Variants in OSBPL10 observed in about 807,000 individuals in gnomAD.
OSBPL10 encodes oxysterol binding protein like 10, also known as oxysterol-binding protein-related protein 10.
OSBPL10 carries 49 observed loss-of-function variants against 81.7 expected under a neutral mutation model. That is an observed-to-expected ratio of 0.60 (90% CI 0.48 to 0.76). OSBPL10 has a LOEUF of 0.76. Among genes scored for constraint, OSBPL10 ranks in the 30% least tolerant of loss-of-function variants. OSBPL10 has a pLI of 0.00. For synonymous variants in OSBPL10, 419 were observed against 383.6 expected, an observed-to-expected ratio of 1.09 and a Z score of -1.08; for missense variants, 923 against 987.8, an observed-to-expected ratio of 0.93 and a Z score of 0.88.
chr3:31,817,194 G>A (rs563486002), intron 4 of OSBPL10, among the ~76,000 whole-genome samples: 271 of 152,294 alleles, frequency 1.8e-3, no homozygotes, highest in Middle Eastern at 6.8e-3. Flanking sequence ...CTGGCAGCCC[G>A]GCCCTCAGCC....
At position 32,063,536 on chromosome 3, in the gene OSBPL10, G is replaced by A. The variant is rs542691391; in HGVS notation, n.185+13860C>T. ...AGATTCAGTGCAAATTTGGCCCTGG[G>A]CTATCAGGGAGATGTAGGCAAGTGA... On this transcript the variant is annotated intron_variant and non_coding_transcript_variant, in intron 1 of 3. Transcript: ENST00000479173. Among the ~76,000 whole-genome samples, 33 of 92,158 alleles carry A rather than the reference G, an allele frequency of 3.6e-4. 4 individuals are homozygous for A. Among genetic ancestry groups the A allele is most frequent in the African/African-American group, 8.4e-4 (30 of 35,904 alleles). 60.5% of individuals were successfully genotyped at this position (92,158 alleles called of 152,430 possible).
At chr3:31,800,584 C>T (rs984693968) in intron 4 of OSBPL10, among the ~76,000 whole-genome samples, 2 of 152,212 alleles carry the variant, frequency 1.3e-5, no homozygotes, top group African/African-American at 4.8e-5. Context: ...CACTCTCTCA[C>T]TGAAAGCAAA....
At chr3:31,917,820 C>A (rs751813049) in intron 1 of OSBPL10, among the ~76,000 whole-genome samples, 1 of 151,150 alleles carries the variant, frequency 6.6e-6, no homozygotes, top group African/African-American at 2.4e-5. Flanking sequence ...CTTTGCTCCT[C>A]GGTTTTGTTA....
intron 1 of OSBPL10, among the ~76,000 whole-genome samples, chr3:31,953,986 T>C (rs760781851): frequency 1.1e-4 from 17 of 152,216 alleles, no homozygotes; most frequent in Non-Finnish European, 2.2e-4. Context: ...CAAAGCTAAA[T>C]AGGAACTTGT....
At chr3:32,007,763 A>G (rs1396408788) in intron 2 of OSBPL10, among the ~76,000 whole-genome samples, 1 of 151,764 alleles carries the variant, frequency 6.6e-6, no homozygotes, top group Admixed American at 6.6e-5. Context: ...CTAGAGTGCA[A>G]TGGCACCATC....
At chr3:31,667,934 A>G (rs867619569) in intron 10 of OSBPL10, among the ~76,000 whole-genome samples, 8 of 152,392 alleles carry the variant, frequency 5.2e-5, no homozygotes, top group Middle Eastern at 6.8e-3. Context: ...TGGCTGCATT[A>G]TATTCATACC....
intron 11 of OSBPL10, chr3:31,663,854 T>C (rs1559403906): frequency 7.0e-7 from 1 of 1,425,408 alleles, no homozygotes; most frequent in Non-Finnish European, 9.1e-7. Context: ...GGAGGGGAAG[T>C]GTCAGTTGCT....
rs1201332951 is a variant in OSBPL10 at position 31,852,881 on chromosome 3, T to A, written c.538-22650A>T. On this transcript the variant is annotated intron_variant, in intron 3 of 11. Coordinates refer to ENST00000396556, the MANE Select transcript of OSBPL10 (RefSeq NM_017784.5). ...GGTGTGAGCCACCACGCCTGGCTAT[T>A]CCTGTTTTGTTTGTTTTAACACATG... is the stretch of plus-strand genomic sequence containing the variant. Among the ~76,000 whole-genome samples the A allele has an allele frequency of 2.6e-5, 4 of 152,126 alleles. No homozygotes were observed. The East Asian group carries it at 7.7e-4, about 29-fold the overall frequency.
At chr3:32,026,050 A>AGATAGATAGATAGAT (rs1553649779) in intron 2 of OSBPL10, among the ~76,000 whole-genome samples, 1 of 115,878 alleles carries the variant, frequency 8.6e-6, no homozygotes, top group Non-Finnish European at 1.7e-5. Flanking sequence ...ATAGATAGAT[A>AGATAGATAGATAGAT]GATAGATGAT....
At chr3:31,930,323 A>G (rs984842950) in intron 1 of OSBPL10, among the ~76,000 whole-genome samples, 1 of 152,326 alleles carries the variant, frequency 6.6e-6, no homozygotes, top group African/African-American at 2.4e-5. Flanking sequence ...CAGATTTTCA[A>G]CAGTTCAAAA....
intron 10 of OSBPL10, among the ~76,000 whole-genome samples, chr3:31,666,244 G>A (rs1014743559): frequency 6.6e-6 from 1 of 152,198 alleles, no homozygotes; most frequent in African/African-American, 2.4e-5. Flanking sequence ...CTCTGGCCAA[G>A]GCAGAGTTTC....
At chr3:31,954,452 C>T (rs568509688) in intron 1 of OSBPL10, among the ~76,000 whole-genome samples, 18 of 152,272 alleles carry the variant, frequency 1.2e-4, no homozygotes, top group South Asian at 2.1e-4. Flanking sequence ...AAGGAATCCA[C>T]GACTGATAAG....
intron 7 of OSBPL10, among the ~76,000 whole-genome samples, chr3:31,694,788 C>T (rs553679809): frequency 6.6e-6 from 1 of 152,270 alleles, no homozygotes; most frequent in Admixed American, 6.5e-5. Flanking sequence ...GACTTTCACT[C>T]TTGTTGCCCA....
chr3:32,024,041 G>C (rs1055802499), intron 2 of OSBPL10, among the ~76,000 whole-genome samples: 7 of 152,172 alleles, frequency 4.6e-5, no homozygotes, highest in African/African-American at 7.2e-5. Context: ...CCACAGAAAA[G>C]AGAGGCCTAC....
chr3:31,863,364 G>A (rs1701103830), intron 3 of OSBPL10, among the ~76,000 whole-genome samples: 2 of 152,146 alleles, frequency 1.3e-5, no homozygotes, highest in African/African-American at 4.8e-5. Context: ...AGTGGTAGTG[G>A]TTGTACAATT....
intron 1 of OSBPL10, among the ~76,000 whole-genome samples, chr3:31,907,482 C>G (rs1192772836): frequency 1.3e-5 from 2 of 151,568 alleles, no homozygotes; most frequent in Non-Finnish European, 2.9e-5. Flanking sequence ...CAAAAAGTAG[C>G]CAGGCATGGT....
At chr3:31,965,936 TA>T (rs2125478709) in intron 1 of OSBPL10, among the ~76,000 whole-genome samples, 1 of 106,348 alleles carries the variant, frequency 9.4e-6, no homozygotes, top group East Asian at 4.0e-4. Context: ...ATATATTATA[TA>T]AAATAGATAA....
intron 4 of OSBPL10, among the ~76,000 whole-genome samples, chr3:31,772,481 C>T (rs562776349): frequency 1.6e-4 from 25 of 152,244 alleles, no homozygotes; most frequent in East Asian, 1.3e-3. Context: ...TTTTATTTTC[C>T]ATTTTACCAA....
intron 4 of OSBPL10, among the ~76,000 whole-genome samples, chr3:31,761,407 G>A (rs1698034950): frequency 6.6e-6 from 1 of 151,546 alleles, no homozygotes; most frequent in Non-Finnish European, 1.5e-5. Context: ...GGGAGGTGGA[G>A]GTTGCAGTGA....
Sources: allele counts gnomAD v4.1 joint callset (sites outside exome capture counted in the v4.1 genomes callset), GRCh38; gene constraint gnomAD v4.1.1; transcripts MANE v1.5; gene names NCBI Gene and HGNC (gene_info 2026-07-23, HGNC 2026-07-21).